KCNN2: variants seen among roughly 807,000 people sequenced by gnomAD.
The protein encoded by KCNN2 is potassium calcium-activated channel subfamily N member 2, also known as small conductance calcium-activated potassium channel protein 2.
In KCNN2, 24 loss-of-function variants were observed where a neutral mutation model predicts 55.5. That is an observed-to-expected ratio of 0.43 (90% CI 0.31 to 0.61). The LOEUF is 0.61. KCNN2 is among the 20% of genes least tolerant of loss of function. The pLI, the probability that KCNN2 is intolerant of heterozygous loss-of-function variation, is 0.08. For missense variants in KCNN2, 754 were observed against 853.6 expected (o/e 0.88, Z 1.45); for synonymous variants, 431 against 336.1 (o/e 1.28, Z -3.09).
At chr5:114,409,635 T>G (rs1400631311) in intron 3 of KCNN2, among the ~76,000 whole-genome samples, 1 of 152,160 alleles carries the variant, frequency 6.6e-6, no homozygotes, top group African/African-American at 2.4e-5. Flanking sequence ...ATTTTTGGAC[T>G]TTTTTAAAAG....
chr5:114,081,184 A>C (rs1185076297), intron 1 of KCNN2, among the ~76,000 whole-genome samples: 1 of 152,176 alleles, frequency 6.6e-6, no homozygotes, highest in Non-Finnish European at 1.5e-5. Flanking sequence ...ATGCTCATGG[A>C]TTAGAAGATA....
At position 114,363,051 on chromosome 5, in the gene KCNN2, A is replaced by AGGCGGC. The variant is rs750998344; in HGVS notation, c.918_923dup (p.Gly309_Gly310dup). 1 of 1,607,278 alleles carries AGGCGGC rather than the reference A, an allele frequency of 6.2e-7. No homozygotes were observed. The highest frequency in any genetic ancestry group is 1.7e-5 in the Admixed American group (1 of 59,502). On this transcript the variant is annotated inframe_insertion, in exon 1 of 8. Transcript: ENST00000673685. ...CCGGCGGCGGAGGCAGCACTGGAGG[A>AGGCGGC]GGCGGCGGCGGTGGCGGGAGCGGGC... is the stretch of plus-strand genomic sequence containing the variant.
intron 2 of KCNN2, among the ~76,000 whole-genome samples, chr5:114,312,347 A>G (rs573286370): frequency 1.4e-5 from 2 of 146,040 alleles, no homozygotes; most frequent in South Asian, 4.5e-4. Context: ...CCCCTAAGAC[A>G]TTTCTCCTTT....
In KCNN2 at chr5:114,102,130, T is replaced by C. The variant is rs931557631; in HGVS notation, c.-271+45630T>C. On this transcript the variant is annotated intron_variant, in intron 1 of 10. Transcript: ENST00000512097. ...ACTTTTTAATAATTGCCATTGTAAC[T>C]GGCATGAGATGATATCTCATTGTGA... Among the ~76,000 whole-genome samples, 4 of 152,314 alleles carry C rather than the reference T, an allele frequency of 2.6e-5. No individual in the cohort carries two copies. In the East Asian group the frequency reaches 5.8e-4, roughly 22 times the overall value.
intron 1 of KCNN2, among the ~76,000 whole-genome samples, chr5:114,171,674 A>G (rs1209712750): frequency 4.2e-5 from 3 of 70,668 alleles, no homozygotes; most frequent in African/African-American, 1.3e-4. Flanking sequence ...CGCTTTTCTT[A>G]TATGCTTTTT....
intron 1 of KCNN2, among the ~76,000 whole-genome samples, chr5:114,092,006 C>T (rs1324231611): frequency 6.6e-6 from 1 of 152,210 alleles, no homozygotes; most frequent in Non-Finnish European, 1.5e-5. Flanking sequence ...TAAAACCAAT[C>T]ATGCCTTCCT....
intron 3 of KCNN2, among the ~76,000 whole-genome samples, chr5:114,414,699 A>G (rs1424061273): frequency 6.6e-6 from 1 of 152,236 alleles, no homozygotes; most frequent in East Asian, 1.9e-4. Context: ...GTTTGTGGCC[A>G]TTATTCAGTG....
At chr5:114,341,300 T>C (rs1234392050) in intron 2 of KCNN2, among the ~76,000 whole-genome samples, 1 of 152,182 alleles carries the variant, frequency 6.6e-6, no homozygotes, top group Non-Finnish European at 1.5e-5. Flanking sequence ...ACATAGATAC[T>C]AAATTCATGG....
chr5:114,364,292 G>T (rs965561619), intron 2 of KCNN2, among the ~76,000 whole-genome samples: 1 of 152,040 alleles, frequency 6.6e-6, no homozygotes, highest in African/African-American at 2.4e-5. Context: ...GTCACATTTT[G>T]TTCCTTAAGG....
intron 2 of KCNN2, among the ~76,000 whole-genome samples, chr5:114,329,932 GTC>G (rs909586824): frequency 2.0e-5 from 3 of 152,096 alleles, no homozygotes; most frequent in African/African-American, 7.2e-5. Context: ...ACTGGGCACA[GTC>G]TTTCTCTGCA....
chr5:114,104,558 T>C (rs17136267), intron 1 of KCNN2, among the ~76,000 whole-genome samples: 32,534 of 151,996 alleles, frequency 0.21, 4,014 homozygotes, highest in African/African-American at 0.34. Context: ...AAGTGTAGCA[T>C]GTTTGTTTGC....
intron 2 of KCNN2, among the ~76,000 whole-genome samples, chr5:114,261,195 G>C (rs1755102040): frequency 6.6e-6 from 1 of 152,180 alleles, no homozygotes; most frequent in African/African-American, 2.4e-5. Context: ...CTAATTAGCA[G>C]CAGAGAAGTA....
In KCNN2 at chr5:114,450,943, C is replaced by T. The variant is rs868434518; in HGVS notation, c.1638-12106C>T. ...TAAATAAGGACATAAAATAGTTTTGCTCAGTAGTAATCAACATTTAATTTT... is the reference window on the plus strand; with the variant it reads ...TAAATAAGGACATAAAATAGTTTTGTTCAGTAGTAATCAACATTTAATTTT... On this transcript the variant is annotated intron_variant, in intron 3 of 7. Transcript: ENST00000673685. Among the ~76,000 whole-genome samples the T allele has an allele frequency of 2.4e-4, 37 of 152,264 alleles. No homozygotes were observed. The Middle Eastern group carries it at 0.01, about 42-fold the overall frequency.
At chr5:114,387,439 C>A (rs1002221527) in intron 2 of KCNN2, among the ~76,000 whole-genome samples, 1 of 152,132 alleles carries the variant, frequency 6.6e-6, no homozygotes, top group Non-Finnish European at 1.5e-5. Flanking sequence ...TTTTGCTTAA[C>A]CTTGACTGTT....
intron 2 of KCNN2, among the ~76,000 whole-genome samples, chr5:114,299,445 A>C (rs1001495727): frequency 3.3e-5 from 5 of 152,232 alleles, no homozygotes; most frequent in African/African-American, 1.2e-4. Flanking sequence ...ATGTTTAAAA[A>C]CAATAAACAA....
intron 1 of KCNN2, among the ~76,000 whole-genome samples, chr5:114,079,005 A>G (rs1057377650): frequency 6.6e-6 from 1 of 152,156 alleles, no homozygotes; most frequent in Non-Finnish European, 1.5e-5. Flanking sequence ...TTTGTGGTGC[A>G]GGAGATTTGG....
At position 114,106,303 on chromosome 5, in the gene KCNN2, A is replaced by G. The variant is rs1751481570; in HGVS notation, c.-271+49803A>G. Among the ~76,000 whole-genome samples the G allele has an allele frequency of 2.0e-5, 3 of 151,752 alleles. No individual in the cohort carries two copies. The South Asian group carries it at 6.2e-4, about 31-fold the overall frequency. ...TTTGTCTATTATGAAGCATTCTGTA[A>G]TAAACACTCTTGTATAATTTTTGCT... On this transcript the variant is annotated intron_variant, in intron 1 of 10. Transcript: ENST00000512097.
intron 1 of KCNN2, among the ~76,000 whole-genome samples, chr5:114,172,222 C>G (rs1455656843): frequency 6.6e-6 from 1 of 151,960 alleles, no homozygotes; most frequent in Non-Finnish European, 1.5e-5. Flanking sequence ...GTTAATTCAA[C>G]AAATATTTAT....
chr5:114,258,337 ATTAGGG>A (rs756173452), intron 2 of KCNN2, among the ~76,000 whole-genome samples: 71 of 152,210 alleles, frequency 4.7e-4, no homozygotes, highest in Non-Finnish European at 8.7e-4. Context: ...TGGCTCTGGT[ATTAGGG>A]TGACATTGGC....
Sources: allele counts gnomAD v4.1 joint callset (sites outside exome capture counted in the v4.1 genomes callset), GRCh38; gene constraint gnomAD v4.1.1; transcripts MANE v1.5; gene names NCBI Gene and HGNC (gene_info 2026-07-23, HGNC 2026-07-21).